Variants in ZNG1E observed in about 807,000 individuals in gnomAD.
The protein encoded by ZNG1E is Zn regulated GTPase metalloprotein activator 1E, also known as zinc-regulated GTPase metalloprotein activator 1E.
the ZNG1E span, among the ~76,000 whole-genome samples, chr9:65,715,511 C>T: frequency 6.1e-5 from 9 of 146,832 alleles, no homozygotes; most frequent in Non-Finnish European, 1.2e-4. Context: ...ATTAGTTATT[C>T]TTGTGCATCG....
At chr9:65,716,416 C>A in the ZNG1E span, among the ~76,000 whole-genome samples, 1 of 151,706 alleles carries the variant, frequency 6.6e-6, no homozygotes, top group African/African-American at 2.4e-5. Flanking sequence ...CCTCAGCCTC[C>A]CAAAGTGCTG....
the ZNG1E span, among the ~76,000 whole-genome samples, chr9:65,717,434 G>A: frequency 1.4e-5 from 2 of 147,968 alleles, no homozygotes; most frequent in East Asian, 3.9e-4. Context: ...GAAATAACCA[G>A]AAGTCTAGCC....
At chr9:65,720,859 T>A in the ZNG1E span, among the ~76,000 whole-genome samples, 6 of 148,034 alleles carry the variant, frequency 4.1e-5, no homozygotes, top group African/African-American at 1.0e-4. Context: ...GGTTTGCTAC[T>A]ATGTTTGTGG....
the ZNG1E span, among the ~76,000 whole-genome samples, chr9:65,665,142 A>G: frequency 0.011 from 1,683 of 151,684 alleles, no homozygotes; most frequent in Non-Finnish European, 0.02. Context: ...AGAAATTTGC[A>G]TAAGTAACAA....
chr9:65,658,112 A>C, the ZNG1E span, among the ~76,000 whole-genome samples: 2 of 136,108 alleles, frequency 1.5e-5, no homozygotes, highest in African/African-American at 3.0e-5. Context: ...AAAAAAAAAA[A>C]AAAACTTATG....
chr9:65,684,639 G>A, the ZNG1E span, among the ~76,000 whole-genome samples: 1 of 151,462 alleles, frequency 6.6e-6, no homozygotes, highest in African/African-American at 2.4e-5. Flanking sequence ...CTACTTGGTA[G>A]TATGTTGAAT....
the ZNG1E span, among the ~76,000 whole-genome samples, chr9:65,677,904 T>A: frequency 6.6e-6 from 1 of 151,026 alleles, no homozygotes; most frequent in Non-Finnish European, 1.5e-5. Flanking sequence ...ATTTTGTGCA[T>A]CTCCTATTGA....
At chr9:65,678,590 C>T in the ZNG1E span, among the ~76,000 whole-genome samples, 1 of 145,440 alleles carries the variant, frequency 6.9e-6, no homozygotes, top group Non-Finnish European at 1.5e-5. Context: ...AACTACAATA[C>T]TATGCAGTTA....
chr9:65,704,928 A>C, the ZNG1E span: 1 of 133,942 alleles, frequency 7.5e-6, no homozygotes, highest in African/African-American at 3.0e-5. Context: ...AAAAAAAAAC[A>C]AACAAAAAAA....
At chr9:65,717,287 G>A in the ZNG1E span, among the ~76,000 whole-genome samples, 1 of 149,450 alleles carries the variant, frequency 6.7e-6, no homozygotes, top group Non-Finnish European at 1.5e-5. Flanking sequence ...ACAGCCCTAA[G>A]CATAAATTTG....
At chr9:65,660,097 C>T in the ZNG1E span, among the ~76,000 whole-genome samples, 1 of 127,596 alleles carries the variant, frequency 7.8e-6, no homozygotes, top group Non-Finnish European at 1.6e-5. Context: ...GGGAATTCAG[C>T]ACAAGACAGA....
the ZNG1E span, among the ~76,000 whole-genome samples, chr9:65,658,076 G>A: frequency 7.0e-6 from 1 of 143,068 alleles, no homozygotes; most frequent in African/African-American, 2.7e-5. Flanking sequence ...TCCAGCCTGG[G>A]CAACAAGAGC....
At chr9:65,676,899 G>C in the ZNG1E span, among the ~76,000 whole-genome samples, 1 of 146,550 alleles carries the variant, frequency 6.8e-6, no homozygotes, top group Non-Finnish European at 1.5e-5. Flanking sequence ...TGTATTAGAA[G>C]TTTGGAAAAA....
the ZNG1E span, among the ~76,000 whole-genome samples, chr9:65,680,877 C>A: frequency 6.6e-6 from 1 of 152,092 alleles, no homozygotes; most frequent in African/African-American, 2.4e-5. Flanking sequence ...CAACCTCCGC[C>A]TCCCGGGTTC....
the ZNG1E span, among the ~76,000 whole-genome samples, chr9:65,667,540 G>C: frequency 1.3e-5 from 2 of 152,268 alleles, no homozygotes; most frequent in African/African-American, 4.8e-5. Context: ...AAACATACAA[G>C]CTATGGCTAA....
the ZNG1E span, among the ~76,000 whole-genome samples, chr9:65,662,254 A>G: frequency 1.4e-3 from 206 of 151,232 alleles, no homozygotes; most frequent in Non-Finnish European, 2.4e-3. Context: ...AGTACTCCTC[A>G]AGAGTGTCAA....
At chr9:65,680,647 A>T in the ZNG1E span, among the ~76,000 whole-genome samples, 1 of 152,270 alleles carries the variant, frequency 6.6e-6, no homozygotes, top group African/African-American at 2.4e-5. Context: ...GGACTTTTAG[A>T]ACTTCACCGT....
At chr9:65,669,320 A>G in the ZNG1E span, among the ~76,000 whole-genome samples, 2 of 138,724 alleles carry the variant, frequency 1.4e-5, no homozygotes, top group South Asian at 4.9e-4. Flanking sequence ...CCTTTTACTT[A>G]CGTGTAAGGA....
chr9:65,665,441 A>G, the ZNG1E span, among the ~76,000 whole-genome samples: 2 of 152,282 alleles, frequency 1.3e-5, no homozygotes, highest in African/African-American at 2.4e-5. Context: ...CACAGAAGTC[A>G]AGAATTGAGG....
Sources: allele counts gnomAD v4.1 joint callset (sites outside exome capture counted in the v4.1 genomes callset), GRCh38; gene constraint gnomAD v4.1.1; transcripts MANE v1.5; gene names NCBI Gene and HGNC (gene_info 2026-07-23, HGNC 2026-07-21).